Variants in FOCAD observed in about 807,000 individuals in gnomAD.
FOCAD encodes the protein KIAA1797.
Under a neutral mutation model 225.6 loss-of-function variants are expected in FOCAD, and 198 were observed. That is an observed-to-expected ratio of 0.88 (90% CI 0.78 to 0.99). FOCAD has a LOEUF of 0.99. Among genes scored for constraint, FOCAD ranks in the 50% least tolerant of loss-of-function variants. The pLI, the probability that FOCAD is intolerant of heterozygous loss-of-function variation, is 0.00. For missense variants in FOCAD, 2,713 were observed against 2,123.6 expected (o/e 1.28, Z -5.46); for synonymous variants, 897 against 755.0 (o/e 1.19, Z -3.08).
Position 20,946,731 on chromosome 9 carries a change from A to G in FOCAD, c.3586A>G (p.Thr1196Ala), listed in dbSNP as rs902461397. Residue 1196 changes from threonine to alanine, a missense_variant, in exon 30 of 44, where the codon ACA becomes GCA. Coordinates refer to ENST00000338382, the MANE Select transcript of FOCAD (RefSeq NM_001375567.1). Reference sequence around the variant, plus strand: ...TGCCTACACACTTAGCTGTGTATGTACATCAGCGTTCAGTGCTGGAATTAT... The same window carrying G: ...TGCCTACACACTTAGCTGTGTATGTGCATCAGCGTTCAGTGCTGGAATTAT... ...VLAYTLSCVCTSAFSAGIIEA... is the reference protein window; with the variant it reads ...VLAYTLSCVCASAFSAGIIEA... 4 of 1,613,464 alleles carry G rather than the reference A, an allele frequency of 2.5e-6. No individual in the cohort carries two copies. Among genetic ancestry groups the G allele is most frequent in the Admixed American group, 1.7e-5 (1 of 59,992 alleles).
intron 10 of FOCAD, chr9:20,786,888 T>G (rs1490529202): frequency 3.6e-6 from 1 of 274,982 alleles, no homozygotes; most frequent in Non-Finnish European, 7.3e-6. Context: ...AAACCTTTTA[T>G]TTTTAAACAC....
intron 15 of FOCAD, among the ~76,000 whole-genome samples, chr9:20,829,710 C>A (rs533450912): frequency 2.6e-5 from 4 of 152,204 alleles, no homozygotes; most frequent in African/African-American, 9.6e-5. Context: ...GAGAGCTTAT[C>A]AAACCATAGG....
At chr9:20,679,950 C>T (rs1238764011), upstream of FOCAD, among the ~76,000 whole-genome samples, 1 of 152,196 alleles carries the variant, frequency 6.6e-6, no homozygotes, top group Non-Finnish European at 1.5e-5. Flanking sequence ...TGCTGTTTCT[C>T]AGAAATATTC....
At chr9:20,887,436 T>C (rs1831194662) in intron 21 of FOCAD, among the ~76,000 whole-genome samples, 1 of 152,168 alleles carries the variant, frequency 6.6e-6, no homozygotes, top group African/African-American at 2.4e-5. Flanking sequence ...AGTTTTACCA[T>C]GTTGGCCAGG....
Position 20,971,145 on chromosome 9 carries a change from C to T in FOCAD, c.4133-5275C>T, listed in dbSNP as rs568682971. On this transcript the variant is annotated intron_variant, in intron 35 of 43. Transcript: ENST00000338382. ...TAGTGCTGACAGAGATTTCCTTGAACACCAGAAGTCAAAAAAAGGAAAACA... is the reference window on the plus strand; with the variant it reads ...TAGTGCTGACAGAGATTTCCTTGAATACCAGAAGTCAAAAAAAGGAAAACA... Among the ~76,000 whole-genome samples the T allele has an allele frequency of 4.6e-5, 7 of 152,240 alleles. No homozygotes were observed. In the East Asian group the frequency reaches 1.2e-3, roughly 25 times the overall value.
intron 4 of FOCAD, among the ~76,000 whole-genome samples, chr9:20,737,046 T>G (rs923522403): frequency 6.6e-6 from 1 of 152,180 alleles, no homozygotes; most frequent in Admixed American, 6.5e-5. Context: ...GTAACTTGAT[T>G]GATGCCATCA....
Position 20,723,374 on chromosome 9 carries a change from G to A in FOCAD, c.287+2840G>A, listed in dbSNP as rs959319831. On this transcript the variant is annotated intron_variant, in intron 4 of 43. Transcript: ENST00000338382. ...GTGGTGACTTATGCCTGTAATCCCA[G>A]CTACTCGGGAGGCTGAGGCAGGAGA... Among the ~76,000 whole-genome samples, 17 of 152,182 alleles carry A rather than the reference G, an allele frequency of 1.1e-4. 1 individual carries two copies. Among genetic ancestry groups the A allele is most frequent in the African/African-American group, 4.1e-4 (17 of 41,438 alleles).
intron 1 of FOCAD, among the ~76,000 whole-genome samples, chr9:20,691,271 C>A (rs1822959588): frequency 6.6e-6 from 1 of 151,924 alleles, no homozygotes; most frequent in Non-Finnish European, 1.5e-5. Context: ...CACTTTCTTC[C>A]CTTATTAGCA....
At chr9:20,914,912 A>G (rs1455127225) in intron 23 of FOCAD, among the ~76,000 whole-genome samples, 2 of 152,214 alleles carry the variant, frequency 1.3e-5, no homozygotes, top group Non-Finnish European at 2.9e-5. Context: ...GGAAAAGTAA[A>G]TTGATTTTGA....
chr9:20,920,422 A>G (rs200475112), intron 24 of FOCAD, among the ~76,000 whole-genome samples: 111,574 of 111,954 alleles, frequency 1, 55,597 homozygotes, highest in Middle Eastern at 1. Context: ...TCAGGGATCT[A>G]GAACTAGAAA....
intron 11 of FOCAD, among the ~76,000 whole-genome samples, chr9:20,801,994 G>A (rs1321108558): frequency 1.3e-5 from 2 of 152,074 alleles, no homozygotes; most frequent in Non-Finnish European, 2.9e-5. Flanking sequence ...CACGATAGTT[G>A]TTATAATAGA....
At chr9:20,807,373 A>G (rs886217108) in intron 11 of FOCAD, among the ~76,000 whole-genome samples, 4 of 152,250 alleles carry the variant, frequency 2.6e-5, no homozygotes, top group Non-Finnish European at 5.9e-5. Context: ...AGATGCAAAA[A>G]GGAGACAGAG....
intron 4 of FOCAD, among the ~76,000 whole-genome samples, chr9:20,729,003 G>C (rs1826441502): frequency 6.6e-6 from 1 of 152,112 alleles, no homozygotes; most frequent in African/African-American, 2.4e-5. Flanking sequence ...AACATCTCTT[G>C]TATATGAGGC....
At chr9:20,664,976 A>G (rs1587177016) in intron 2 of FOCAD, among the ~76,000 whole-genome samples, 1 of 152,124 alleles carries the variant, frequency 6.6e-6, no homozygotes, top group Non-Finnish European at 1.5e-5. Flanking sequence ...AAACAGAGAA[A>G]TGATAAAACT....
chr9:20,812,441 A>G (rs1246496046), intron 11 of FOCAD, among the ~76,000 whole-genome samples: 1 of 152,062 alleles, frequency 6.6e-6, no homozygotes, highest in African/African-American at 2.4e-5. Flanking sequence ...TCGTTATAGA[A>G]CTGTCTGAAA....
In FOCAD at chr9:20,882,045, C is replaced by T; in HGVS notation, c.2492C>T (p.Pro831Leu). Reference protein sequence around the residue: ...YETNKQPGLKPGLAGGMLFCY... With the variant: ...YETNKQPGLKLGLAGGMLFCY... The stretch of plus-strand genomic sequence containing the variant: ...ACAAACAAGCAACCAGGACTGAAAC[C>T]TGGCCTTGCAGGTAAGGGTAGTACA... Residue 831 changes from proline to leucine, a missense_variant, in exon 20 of 44, where the codon CCT becomes CTT. Coordinates refer to ENST00000338382, the MANE Select transcript of FOCAD (RefSeq NM_001375567.1). 1.2e-6 allele frequency: 2 copies of T among 1,612,804 alleles called. No homozygotes were observed. The highest frequency in any genetic ancestry group is 2.2e-5 in the South Asian group (2 of 90,954).
At chr9:20,679,168 TG>T (rs1822325011) in intron 2 of FOCAD, among the ~76,000 whole-genome samples, 1 of 125,582 alleles carries the variant, frequency 8.0e-6, no homozygotes, top group Admixed American at 7.8e-5. Flanking sequence ...TGTGTGTGTG[TG>T]TGTTGGGGAT....
chr9:20,781,641 C>G (rs934928835), intron 9 of FOCAD, 86 bp from the exon 10 acceptor site: 1 of 1,155,598 alleles, frequency 8.7e-7, no homozygotes, highest in African/African-American at 1.5e-5. Context: ...AGAAAACTTT[C>G]TTGCATATCA....
chr9:20,694,994 C>T (rs1254610131), intron 1 of FOCAD, among the ~76,000 whole-genome samples: 1 of 152,152 alleles, frequency 6.6e-6, no homozygotes, highest in Non-Finnish European at 1.5e-5. Context: ...TTATTCTGTA[C>T]AATCCCTCCA....
Sources: allele counts gnomAD v4.1 joint callset (sites outside exome capture counted in the v4.1 genomes callset), GRCh38; gene constraint gnomAD v4.1.1; transcripts MANE v1.5; gene names NCBI Gene and HGNC (gene_info 2026-07-23, HGNC 2026-07-21).